LRMDA: variants seen among roughly 807,000 people sequenced by gnomAD.
LRMDA encodes leucine-rich melanocyte differentiation-associated protein.
LRMDA carries 18 observed loss-of-function variants against 29.8 expected under a neutral mutation model. That is an observed-to-expected ratio of 0.60 (90% CI 0.42 to 0.90). The LOEUF (loss-of-function observed/expected upper bound fraction) is 0.90. LRMDA is among the 40% of genes least tolerant of loss of function. The pLI, the probability that LRMDA is intolerant of heterozygous loss-of-function variation, is 0.00. For missense variants in LRMDA, 273 were observed against 273.9 expected (o/e 1.00, Z 0.02); for synonymous variants, 125 against 109.4 (o/e 1.14, Z -0.89).
chr10:75,567,197 C>T lies in LRMDA; in HGVS notation c.131+128703C>T, dbSNP rs140060975. On this transcript the variant is annotated intron_variant, in intron 2 of 6. Transcript: ENST00000611255. ...ATCATACCCTTACTCTGCTCCAAAG[C>T]ACTGTTTTCTGTTGCCTTCAGAGTT... is the stretch of plus-strand genomic sequence containing the variant. Among the ~76,000 whole-genome samples the T allele has an allele frequency of 1.2e-4, 18 of 152,232 alleles. No individual in the cohort carries two copies. The East Asian group carries it at 3.3e-3, about 28-fold the overall frequency.
chr10:75,742,385 AG>A (rs902930943), intron 2 of LRMDA, among the ~76,000 whole-genome samples: 11 of 152,166 alleles, frequency 7.2e-5, no homozygotes, highest in African/African-American at 2.4e-4. Flanking sequence ...ATGGAGAGAG[AG>A]GGGCAAGGCC....
chr10:76,300,716 G>A (rs1289274427), intron 5 of LRMDA, among the ~76,000 whole-genome samples: 1 of 152,138 alleles, frequency 6.6e-6, no homozygotes, highest in Non-Finnish European at 1.5e-5. Flanking sequence ...TCCTACAACA[G>A]TGTAAGTTAC....
At chr10:75,849,595 A>C (rs1844697358) in intron 2 of LRMDA, among the ~76,000 whole-genome samples, 1 of 152,126 alleles carries the variant, frequency 6.6e-6, no homozygotes, top group African/African-American at 2.4e-5. Flanking sequence ...ATACACTGGT[A>C]CCTTTCGGGG....
intron 2 of LRMDA, among the ~76,000 whole-genome samples, chr10:75,650,581 C>A (rs1270654865): frequency 6.6e-6 from 1 of 152,024 alleles, no homozygotes; most frequent in Non-Finnish European, 1.5e-5. Flanking sequence ...TTGGCTCTGA[C>A]CCTGGAACAG....
intron 2 of LRMDA, among the ~76,000 whole-genome samples, chr10:75,828,864 G>T (rs986753687): frequency 1.3e-5 from 2 of 152,088 alleles, no homozygotes; most frequent in African/African-American, 2.4e-5. Context: ...TTTGAAGGAG[G>T]TATTTCTTGT....
intron 6 of LRMDA, among the ~76,000 whole-genome samples, chr10:76,505,515 A>G (rs1304081142): frequency 6.6e-6 from 1 of 152,044 alleles, no homozygotes; most frequent in East Asian, 1.9e-4. Flanking sequence ...CTGGTCTTCA[A>G]GCTCTGAGAT....
rs550592974 is a variant in LRMDA at position 75,637,946 on chromosome 10, A to G, written c.131+199452A>G. 7.2e-5 allele frequency among the ~76,000 whole-genome samples: 11 copies of G among 152,390 alleles called. No homozygotes were observed. The South Asian group carries it at 2.3e-3, about 32-fold the overall frequency. ...TCATTAAGTGTTACCCCTAAACACCAGCAGCACTGACAAACAGCCAGAGAC... is the reference window on the plus strand; with the variant it reads ...TCATTAAGTGTTACCCCTAAACACCGGCAGCACTGACAAACAGCCAGAGAC... On this transcript the variant is annotated intron_variant, in intron 2 of 6. Transcript: ENST00000611255.
At chr10:75,714,220 T>C (rs1340631042) in intron 2 of LRMDA, among the ~76,000 whole-genome samples, 1 of 152,186 alleles carries the variant, frequency 6.6e-6, no homozygotes, top group Non-Finnish European at 1.5e-5. Context: ...ATCTATTGCA[T>C]GGAGCTCCAT....
At chr10:76,027,486 A>G (rs1279692238) in intron 2 of LRMDA, among the ~76,000 whole-genome samples, 1 of 152,238 alleles carries the variant, frequency 6.6e-6, no homozygotes, top group East Asian at 1.9e-4. Context: ...GGTTAACGGT[A>G]TGTATCTGGG....
intron 2 of LRMDA, among the ~76,000 whole-genome samples, chr10:75,676,301 C>T (rs556376162): frequency 3.1e-4 from 47 of 152,306 alleles, no homozygotes; most frequent in African/African-American, 1.1e-3. Context: ...CAGGACTAAA[C>T]CTGTGTCTGA....
intron 5 of LRMDA, among the ~76,000 whole-genome samples, chr10:76,281,939 C>T (rs537850022): frequency 5.0e-4 from 76 of 152,324 alleles, no homozygotes; most frequent in African/African-American, 1.7e-3. Context: ...AACCATCCAG[C>T]CCCATTGTAG....
At chr10:76,470,466 A>G (rs537309555) in intron 6 of LRMDA, 10 of 152,052 alleles carry the variant, frequency 6.6e-5, no homozygotes, top group Non-Finnish European at 1.3e-4. Flanking sequence ...TAGCAGCCTT[A>G]TTCACATGGA....
intron 2 of LRMDA, among the ~76,000 whole-genome samples, chr10:75,956,379 G>A (rs527816001): frequency 1.6e-4 from 25 of 152,264 alleles, no homozygotes; most frequent in African/African-American, 5.5e-4. Flanking sequence ...TTTGTCTATT[G>A]GGGTCTCTGA....
chr10:75,507,654 A>T (rs956170866), intron 2 of LRMDA, among the ~76,000 whole-genome samples: 3 of 152,140 alleles, frequency 2.0e-5, no homozygotes, highest in Non-Finnish European at 4.4e-5. Context: ...GCCCCACCCT[A>T]CCCTTCTTAA....
At chr10:76,341,087 G>T (rs1184316380) in intron 6 of LRMDA, among the ~76,000 whole-genome samples, 1 of 152,096 alleles carries the variant, frequency 6.6e-6, no homozygotes, top group African/African-American at 2.4e-5. Context: ...AACTGACTCA[G>T]GAAAGTTAAA....
intron 2 of LRMDA, among the ~76,000 whole-genome samples, chr10:75,802,688 C>T (rs940040510): frequency 6.6e-6 from 1 of 151,996 alleles, no homozygotes; most frequent in African/African-American, 2.4e-5. Context: ...GAACCAAGCC[C>T]AGTACCTGGC....
chr10:76,443,579 A>C (rs1842325256), intron 6 of LRMDA, among the ~76,000 whole-genome samples: 1 of 152,222 alleles, frequency 6.6e-6, no homozygotes, highest in South Asian at 2.1e-4. Flanking sequence ...AACCATCTTT[A>C]ATATCACTTT....
intron 6 of LRMDA, among the ~76,000 whole-genome samples, chr10:76,342,431 A>T (rs1841053327): frequency 1.3e-5 from 2 of 152,108 alleles, no homozygotes; most frequent in Admixed American, 6.5e-5. Flanking sequence ...AACTTGAAAA[A>T]ATAAGCAAAA....
intron 2 of LRMDA, among the ~76,000 whole-genome samples, chr10:75,795,652 T>C (rs888540872): frequency 1.3e-5 from 2 of 152,240 alleles, no homozygotes; most frequent in Non-Finnish European, 2.9e-5. Flanking sequence ...ATAGTAAGGA[T>C]TTAAATTAAG....
Sources: allele counts gnomAD v4.1 joint callset (sites outside exome capture counted in the v4.1 genomes callset), GRCh38; gene constraint gnomAD v4.1.1; transcripts MANE v1.5; gene names NCBI Gene and HGNC (gene_info 2026-07-23, HGNC 2026-07-21).